ROBO1: variants seen among roughly 807,000 people sequenced by gnomAD.
ROBO1 encodes the protein roundabout guidance receptor 1, also known as roundabout homolog 1.
ROBO1 carries 149 observed loss-of-function variants against 195.9 expected under a neutral mutation model. That is an observed-to-expected ratio of 0.76 (90% CI 0.67 to 0.87). ROBO1 has a LOEUF of 0.87. Ranked by LOEUF, ROBO1 falls within the 40% of genes least tolerant of loss-of-function variation. ROBO1 has a pLI of 0.00. For missense variants in ROBO1, 1,933 were observed against 2,068.3 expected, an observed-to-expected ratio of 0.93 and a Z score of 1.27; for synonymous variants, 816 against 733.2, an observed-to-expected ratio of 1.11 and a Z score of -1.82.
chr3:79,535,474 G>T (rs1463733762), intron 2 of ROBO1, among the ~76,000 whole-genome samples: 1 of 152,110 alleles, frequency 6.6e-6, no homozygotes, highest in African/African-American at 2.4e-5. Flanking sequence ...TGAAAATGTG[G>T]TAGGCACTGC....
At position 78,914,217 on chromosome 3, in the gene ROBO1, T is replaced by C. The variant is rs973945570; in HGVS notation, c.499+24384A>G. On this transcript the variant is annotated intron_variant, in intron 4 of 30. Transcript: ENST00000464233. Reference sequence around the variant, plus strand: ...CACAATTTGCAACAATAATTTCATATTACATTATTCAAATCTCTTCAAAAA... The same window carrying C: ...CACAATTTGCAACAATAATTTCATACTACATTATTCAAATCTCTTCAAAAA... Among the ~76,000 whole-genome samples the C allele has an allele frequency of 2.0e-5, 3 of 152,286 alleles. No homozygotes were observed. In the South Asian group the frequency reaches 6.2e-4, roughly 32 times the overall value.
intron 2 of ROBO1, among the ~76,000 whole-genome samples, chr3:79,400,250 T>C (rs560640560): frequency 3.9e-5 from 6 of 152,178 alleles, no homozygotes; most frequent in African/African-American, 1.2e-4. Flanking sequence ...ATCAATTTCC[T>C]GAGTCACTCC....
At chr3:79,677,201 C>T (rs1946808210) in intron 1 of ROBO1, among the ~76,000 whole-genome samples, 1 of 151,920 alleles carries the variant, frequency 6.6e-6, no homozygotes, top group Non-Finnish European at 1.5e-5. Context: ...AAACTACATA[C>T]CTAAAACTCT....
chr3:78,804,924 G>T (rs2084489290), intron 4 of ROBO1, among the ~76,000 whole-genome samples: 1 of 151,992 alleles, frequency 6.6e-6, no homozygotes, highest in South Asian at 2.1e-4. Context: ...CACTTCTTGG[G>T]CTTGTAAAAG....
intron 1 of ROBO1, among the ~76,000 whole-genome samples, chr3:79,656,666 A>G (rs1183291865): frequency 1.3e-5 from 2 of 151,944 alleles, no homozygotes; most frequent in Non-Finnish European, 2.9e-5. Context: ...AGACTGAGGC[A>G]GGAGGATTGC....
chr3:78,834,605 T>C (rs1232946345), intron 4 of ROBO1, among the ~76,000 whole-genome samples: 1 of 151,936 alleles, frequency 6.6e-6, no homozygotes, highest in East Asian at 1.9e-4. Context: ...AGAACTATTA[T>C]TAACATGGAG....
At chr3:79,297,745 G>A (rs192425373) in intron 2 of ROBO1, among the ~76,000 whole-genome samples, 288 of 152,240 alleles carry the variant, frequency 1.9e-3, no homozygotes, top group African/African-American at 6.6e-3. Flanking sequence ...GAAATATGGT[G>A]AGATCATGTC....
chr3:79,312,602 G>A (rs182030732), intron 2 of ROBO1, among the ~76,000 whole-genome samples: 2 of 152,246 alleles, frequency 1.3e-5, no homozygotes, highest in East Asian at 1.9e-4. Context: ...CTATCCCGGT[G>A]GAATTTGGAC....
At position 79,606,733 on chromosome 3, in the gene ROBO1, T is replaced by C. The variant is rs188892003; in HGVS notation, c.-50-16772A>G. Among the ~76,000 whole-genome samples, 496 of 148,138 alleles carry C rather than the reference T, an allele frequency of 3.3e-3. 8 individuals carry two copies. Among genetic ancestry groups the C allele is most frequent in the Non-Finnish European group, 5.2e-4 (35 of 67,028 alleles). ...TCATATTTGCCAGATTTCTCTCTTA[T>C]GGGCCACTTAGACCACCTGTGTTTA... On this transcript the variant is annotated intron_variant, in intron 1 of 30. Transcript: ENST00000464233.
intron 1 of ROBO1, among the ~76,000 whole-genome samples, chr3:79,747,426 A>G (rs763697653): frequency 1.3e-5 from 2 of 152,112 alleles, no homozygotes; most frequent in African/African-American, 2.4e-5. Context: ...GGAAAGAACA[A>G]TATAATTTGT....
At chr3:79,265,089 C>A (rs1159311136) in intron 2 of ROBO1, among the ~76,000 whole-genome samples, 1 of 151,718 alleles carries the variant, frequency 6.6e-6, no homozygotes, top group Non-Finnish European at 1.5e-5. Context: ...ATTAGAAATA[C>A]CATCCAAAAT....
At chr3:78,908,252 T>G (rs2038046730) in intron 4 of ROBO1, among the ~76,000 whole-genome samples, 1 of 151,966 alleles carries the variant, frequency 6.6e-6, no homozygotes, top group Non-Finnish European at 1.5e-5. Flanking sequence ...TTATTCAATT[T>G]ATTTGTACTT....
Position 79,462,069 on chromosome 3 carries a change from GGTAA to G in ROBO1, c.88+127751_88+127754del, listed in dbSNP as rs201766225. Among the ~76,000 whole-genome samples, 50 of 152,162 alleles carry G rather than the reference GGTAA, an allele frequency of 3.3e-4. No individual in the cohort carries two copies. The East Asian group carries it at 8.9e-3, about 27-fold the overall frequency. ...ATCAGTCAAGGTAGTATTATTATGT[GGTAA>G]GTAACATAAAGTTGAAGATTATAGC... On this transcript the variant is annotated intron_variant, in intron 2 of 30. Coordinates refer to ENST00000464233, the MANE Select transcript of ROBO1 (RefSeq NM_002941.4).
chr3:79,117,647 C>T (rs1188075789), intron 3 of ROBO1, among the ~76,000 whole-genome samples: 1 of 152,118 alleles, frequency 6.6e-6, no homozygotes, highest in Non-Finnish European at 1.5e-5. Context: ...CTGTAATACC[C>T]ACGTATATCA....
chr3:78,651,620 A>G (rs1168811822), intron 19 of ROBO1, 112 bp downstream of exon 19: 4 of 790,914 alleles, frequency 5.1e-6, no homozygotes, highest in Non-Finnish European at 5.7e-6. Flanking sequence ...AAATCTTTAT[A>G]TATTAAAACA....
At chr3:79,478,001 G>A (rs1208718638) in intron 2 of ROBO1, among the ~76,000 whole-genome samples, 1 of 152,072 alleles carries the variant, frequency 6.6e-6, no homozygotes, top group Non-Finnish European at 1.5e-5. Context: ...TAATTTTAAA[G>A]ACATTAGTGC....
intron 1 of ROBO1, among the ~76,000 whole-genome samples, chr3:79,700,363 A>C (rs1947587479): frequency 7.4e-6 from 1 of 135,818 alleles, no homozygotes; most frequent in South Asian, 2.5e-4. Context: ...CTGGGAGAAC[A>C]ATTTATTTTC....
At chr3:78,972,768 A>G (rs1315015231) in intron 3 of ROBO1, among the ~76,000 whole-genome samples, 1 of 152,132 alleles carries the variant, frequency 6.6e-6, no homozygotes, top group African/African-American at 2.4e-5. Context: ...ATCAGGTTCC[A>G]TTCCTCGATC....
chr3:78,599,063 C>A, intron 30 of ROBO1, 136 bp from the exon 31 acceptor site: 1 of 479,236 alleles, frequency 2.1e-6, no homozygotes, highest in South Asian at 4.5e-5. Flanking sequence ...GGAAAGGGCT[C>A]ATGTCAACTA....
Sources: allele counts gnomAD v4.1 joint callset (sites outside exome capture counted in the v4.1 genomes callset), GRCh38; gene constraint gnomAD v4.1.1; transcripts MANE v1.5; gene names NCBI Gene and HGNC (gene_info 2026-07-23, HGNC 2026-07-21).